The following STON1 variants were observed in gnomAD, a reference collection of about 807,000 sequenced individuals.
STON1 encodes stonin-1.
In STON1, 79 loss-of-function variants were observed where a neutral mutation model predicts 60.9. That is an observed-to-expected ratio of 1.30 (90% CI 1.08 to 1.56). STON1 has a LOEUF of 1.56. Among genes scored for constraint, STON1 ranks in the 40% most tolerant of loss-of-function variants. STON1 has a pLI of 0.00. For synonymous variants in STON1, 363 were observed against 306.9 expected, an observed-to-expected ratio of 1.18 and a Z score of -1.91; for missense variants, 1,166 against 858.9, an observed-to-expected ratio of 1.36 and a Z score of -4.47.
Position 48,591,674 on chromosome 2 carries a change from T to C in STON1, c.1952T>C (p.Leu651Pro). 6.2e-7 allele frequency: 1 copy of C among 1,614,108 alleles called. No homozygotes were observed. The highest frequency in any genetic ancestry group is 1.1e-5 in the South Asian group (1 of 91,078). Residue 651 changes from leucine (L) to proline (P), a missense_variant, in exon 3 of 4, where the codon CTG becomes CCG. Coordinates refer to ENST00000404752, the MANE Select transcript of STON1 (RefSeq NM_006873.4). ...KNSSLDHPHC[L>P]SYKLELGSDQ... is the part of the protein sequence containing the mutation. ...CGAGGTCTAGATCATCCCCATTGTCTGTCATACAAATTAGAGCTTGGATCA... is the reference window on the plus strand; with the variant it reads ...CGAGGTCTAGATCATCCCCATTGTCCGTCATACAAATTAGAGCTTGGATCA...
Position 48,597,221 on chromosome 2 carries a change from T to C in STON1, c.*1919T>C, listed in dbSNP as rs1341239225. On this transcript the variant is annotated 3_prime_UTR_variant, in exon 4 of 4. Coordinates refer to ENST00000404752, the MANE Select transcript of STON1 (RefSeq NM_006873.4). ...TCATATGCTTGAGGCTCACTGTTGATGTAGAGTAGGGCAAATCTGTGTGTG... is the reference window on the plus strand; with the variant it reads ...TCATATGCTTGAGGCTCACTGTTGACGTAGAGTAGGGCAAATCTGTGTGTG... The C allele has an allele frequency of 6.6e-6, 1 of 152,192 alleles. No individual in the cohort carries two copies. The highest frequency in any genetic ancestry group is 1.5e-5 in the Non-Finnish European group (1 of 68,050). The allele number at this position is 152,192 out of a possible 1,614,324, so 9.4% of individuals were successfully genotyped here.
intron 1 of STON1, among the ~76,000 whole-genome samples, chr2:48,564,501 C>CT (rs1409881934): frequency 2.4e-4 from 6 of 24,544 alleles, no homozygotes; most frequent in Non-Finnish European, 2.3e-4. Flanking sequence ...TCTTCTTCTT[C>CT]TTCTTCTTCT....
chr2:48,570,403 G>A (rs931266742), intron 1 of STON1, among the ~76,000 whole-genome samples: 26 of 152,146 alleles, frequency 1.7e-4, no homozygotes, highest in Non-Finnish European at 2.9e-4. Context: ...TACAAACTGT[G>A]TGCAAGTGCA....
intron 1 of STON1, among the ~76,000 whole-genome samples, chr2:48,576,398 C>T (rs1353032530): frequency 6.6e-6 from 1 of 151,198 alleles, no homozygotes; most frequent in African/African-American, 2.4e-5. Flanking sequence ...CCATGTTGGC[C>T]AGACTGGTCT....
intron 2 of STON1, among the ~76,000 whole-genome samples, chr2:48,587,440 G>A (rs558502660): frequency 6.4e-4 from 98 of 152,218 alleles, no homozygotes; most frequent in African/African-American, 2.2e-3. Flanking sequence ...CTACAGGTGC[G>A]CACCACCACG....
intron 1 of STON1, among the ~76,000 whole-genome samples, chr2:48,575,064 G>A (rs1486251221): frequency 2.0e-5 from 3 of 152,158 alleles, no homozygotes; most frequent in Admixed American, 6.5e-5. Flanking sequence ...TACTTTCTGC[G>A]GTATGAGTTA....
At position 48,564,478 on chromosome 2, in the gene STON1, T is replaced by TC. The variant is rs1558604718; in HGVS notation, c.-47-16108dup. Among the ~76,000 whole-genome samples, 47 of 47,462 alleles carry TC rather than the reference T, an allele frequency of 9.9e-4. 3 individuals are homozygous for TC. The highest frequency in any genetic ancestry group is 3.4e-3 in the African/African-American group (41 of 12,174). 31.1% of individuals were successfully genotyped at this position (47,462 alleles called of 152,430 possible). On this transcript the variant is annotated intron_variant, in intron 1 of 3. Transcript: ENST00000404752. Reference sequence around the variant, plus strand: ...TTCTTCTTCTTCTTCTTCTTCTTCTTCTTTCTTCTTCTTCTTCTTCTTCTT... The same window carrying TC: ...TTCTTCTTCTTCTTCTTCTTCTTCTTCCTTTCTTCTTCTTCTTCTTCTTCTT...
At position 48,575,660 on chromosome 2, in the gene STON1, A is replaced by C. The variant is rs1420095810; in HGVS notation, c.-47-4927A>C. Among the ~76,000 whole-genome samples, 5 of 93,508 alleles carry C rather than the reference A, an allele frequency of 5.3e-5. No homozygotes were observed. In the East Asian group the frequency reaches 9.7e-4, roughly 18 times the overall value. The allele number at this position is 93,508 out of a possible 152,430, so 61.3% of individuals were successfully genotyped here. A position where few individuals can be genotyped will look rare whatever the true frequency, so the allele number is the denominator to read the frequency against. On this transcript the variant is annotated intron_variant, in intron 1 of 3. Transcript: ENST00000404752. The stretch of plus-strand genomic sequence containing the variant: ...AAGAGCAAAACTCCGTCTCAAAAAT[A>C]AATAAATAAATAAATAAATAAATAA...
intron 1 of STON1, among the ~76,000 whole-genome samples, chr2:48,565,360 C>G (rs1186162119): frequency 6.6e-6 from 1 of 152,162 alleles, no homozygotes; most frequent in Non-Finnish European, 1.5e-5. Flanking sequence ...CCTCCGACTT[C>G]TTATACAGGT....
At chr2:48,533,767 CTTTTT>C (rs67961428) in intron 1 of STON1, among the ~76,000 whole-genome samples, 1 of 90,556 alleles carries the variant, frequency 1.1e-5, no homozygotes. Flanking sequence ...TTACACAGGA[CTTTTT>C]TTTTTTTTTT....
intron 3 of STON1, among the ~76,000 whole-genome samples, chr2:48,593,525 G>A (rs74609486): frequency 0.01 from 1,567 of 152,242 alleles, 30 homozygotes; most frequent in African/African-American, 0.035. Flanking sequence ...TTTCACATGA[G>A]CAACATTTTA....
intron 1 of STON1, among the ~76,000 whole-genome samples, chr2:48,544,936 C>T (rs1416826708): frequency 1.3e-5 from 2 of 152,168 alleles, no homozygotes; most frequent in Non-Finnish European, 2.9e-5. Context: ...CAATCCTTTG[C>T]AACCAGGAAT....
intron 1 of STON1, among the ~76,000 whole-genome samples, chr2:48,536,803 G>A (rs1671452602): frequency 3.3e-5 from 5 of 152,018 alleles, no homozygotes; most frequent in African/African-American, 1.2e-4. Context: ...TTTTATTCAG[G>A]TGAATGATTA....
At chr2:48,591,942 G>T in intron 3 of STON1, 87 bp downstream of exon 3, 1 of 1,509,196 alleles carries the variant, frequency 6.6e-7, no homozygotes, top group South Asian at 1.3e-5. Context: ...TGTGTTGTGT[G>T]TGTGTGTATA....
intron 1 of STON1, among the ~76,000 whole-genome samples, chr2:48,572,683 C>T (rs963379918): frequency 6.6e-6 from 1 of 152,164 alleles, no homozygotes; most frequent in Non-Finnish European, 1.5e-5. Context: ...CAGTCTGAAA[C>T]GGAATTATTT....
chr2:48,541,476 G>A (rs1671648440), intron 1 of STON1, among the ~76,000 whole-genome samples: 2 of 143,072 alleles, frequency 1.4e-5, no homozygotes, highest in Non-Finnish European at 3.0e-5. Context: ...TTGACATCAA[G>A]AGTTCAAAAC....
At chr2:48,558,706 T>G (rs1295117314) in intron 1 of STON1, among the ~76,000 whole-genome samples, 1 of 152,182 alleles carries the variant, frequency 6.6e-6, no homozygotes, top group Non-Finnish European at 1.5e-5. Flanking sequence ...AAGGGCTTGT[T>G]TGCTGCCCTA....
chr2:48,565,771 G>T (rs1174796917), intron 1 of STON1, among the ~76,000 whole-genome samples: 1 of 152,116 alleles, frequency 6.6e-6, no homozygotes, highest in Non-Finnish European at 1.5e-5. Context: ...CATATATCGA[G>T]TACATTTATG....
chr2:48,583,754 C>CTT (rs905822150), intron 2 of STON1, among the ~76,000 whole-genome samples: 7 of 133,690 alleles, frequency 5.2e-5, no homozygotes, highest in Admixed American at 7.6e-5. Flanking sequence ...TCTTTTTTTT[C>CTT]TTTTTTTTTT....
Sources: allele counts gnomAD v4.1 joint callset (sites outside exome capture counted in the v4.1 genomes callset), GRCh38; gene constraint gnomAD v4.1.1; transcripts MANE v1.5; gene names NCBI Gene and HGNC (gene_info 2026-07-23, HGNC 2026-07-21).